RASAL2: variants seen among roughly 807,000 people sequenced by gnomAD.
RASAL2 encodes ras GTPase-activating protein nGAP.
RASAL2 carries 58 observed loss-of-function variants against 128.9 expected under a neutral mutation model. That is an observed-to-expected ratio of 0.45 (90% CI 0.36 to 0.56). The LOEUF is 0.56. RASAL2 is among the 20% of genes least tolerant of loss of function. The pLI is 0.00. For missense variants in RASAL2, 1,360 were observed against 1,601.6 expected, an observed-to-expected ratio of 0.85 and a Z score of 2.57; for synonymous variants, 561 against 580.8, an observed-to-expected ratio of 0.97 and a Z score of 0.49.
chr1:178,285,322 T>C (rs926155582), intron 2 of RASAL2, among the ~76,000 whole-genome samples: 1 of 151,030 alleles, frequency 6.6e-6, no homozygotes, highest in South Asian at 2.1e-4. Context: ...GGGTTTCACC[T>C]TGTTAGCCAG....
intron 9 of RASAL2, among the ~76,000 whole-genome samples, chr1:178,447,431 T>G (rs146721821): frequency 1.3e-5 from 2 of 151,800 alleles, no homozygotes; most frequent in African/African-American, 4.8e-5. Context: ...CCCAACACTT[T>G]AGGAGGCCGA....
At chr1:178,205,310 A>G (rs1280960199) in intron 1 of RASAL2, among the ~76,000 whole-genome samples, 1 of 152,060 alleles carries the variant, frequency 6.6e-6, no homozygotes, top group Non-Finnish European at 1.5e-5. Context: ...CAGCCCAGAA[A>G]ATTGTTTATA....
At chr1:178,325,883 G>T (rs1257734822) in intron 3 of RASAL2, among the ~76,000 whole-genome samples, 1 of 152,072 alleles carries the variant, frequency 6.6e-6, no homozygotes, top group African/African-American at 2.4e-5. Context: ...TTGAGGTCAG[G>T]TGTTTGAGAC....
chr1:178,384,732 A>G (rs982165512), intron 3 of RASAL2, among the ~76,000 whole-genome samples: 3 of 151,586 alleles, frequency 2.0e-5, no homozygotes, highest in Admixed American at 6.6e-5. Context: ...TAATAAAACT[A>G]TTTTCCCTAG....
In RASAL2 at chr1:178,215,066, T is replaced by C. The variant is rs528824530; in HGVS notation, c.203-68498T>C. On this transcript the variant is annotated intron_variant, in intron 1 of 17. Transcript: ENST00000367649. ...TGTGGAACTTTTTCTTCAAATGTTA[T>C]CTCATGTGTAAGTTCAGTATTCCAT... is the stretch of plus-strand genomic sequence containing the variant. Among the ~76,000 whole-genome samples the C allele has an allele frequency of 3.9e-5, 6 of 152,352 alleles. No individual in the cohort carries two copies. In the South Asian group the frequency reaches 1.2e-3, roughly 32 times the overall value.
intron 1 of RASAL2, among the ~76,000 whole-genome samples, chr1:178,131,665 T>C (rs1037170958): frequency 6.6e-6 from 1 of 152,130 alleles, no homozygotes. Flanking sequence ...AACTATCTTA[T>C]TTCCTTATCA....
rs201007796 is a variant in RASAL2 at position 178,458,311 on chromosome 1, G to A, written c.3019G>A (p.Gly1007Arg). The A allele has an allele frequency of 8.1e-6, 13 of 1,614,238 alleles. No individual in the cohort carries two copies. Among genetic ancestry groups the A allele is most frequent in the South Asian group, 1.1e-5 (1 of 91,082 alleles). Reference protein sequence around the residue: ...PLALPRQNSTGQAQIRKVDQG... With the variant: ...PLALPRQNSTRQAQIRKVDQG... ...TGCTTTGCCACGACAAAATAGTACT[G>A]GGCAGGCCCAGATCCGAAAAGTGGA... is the stretch of plus-strand genomic sequence containing the variant. Residue 1007 changes from glycine to arginine, a missense_variant, in exon 14 of 18, where the codon GGG becomes AGG. Coordinates refer to ENST00000367649, the MANE Select transcript of RASAL2 (RefSeq NM_170692.4).
intron 1 of RASAL2, among the ~76,000 whole-genome samples, chr1:178,283,214 G>C (rs1320276933): frequency 6.6e-6 from 1 of 152,098 alleles, no homozygotes; most frequent in Non-Finnish European, 1.5e-5. Context: ...CTAAAGACTA[G>C]GGAAGGTGTC....
chr1:178,148,139 T>A (rs980427457), intron 1 of RASAL2, among the ~76,000 whole-genome samples: 1 of 151,498 alleles, frequency 6.6e-6, no homozygotes, highest in African/African-American at 2.4e-5. Context: ...TATAAGCATC[T>A]ACACTGGAGT....
chr1:178,453,235 G>A (rs1236059613), intron 11 of RASAL2, among the ~76,000 whole-genome samples: 1 of 151,896 alleles, frequency 6.6e-6, no homozygotes, highest in Non-Finnish European at 1.5e-5. Context: ...GGCAATGGGT[G>A]GAATTTAAAT....
chr1:178,459,135 T>A (rs1677993381), intron 14 of RASAL2, among the ~76,000 whole-genome samples: 1 of 152,174 alleles, frequency 6.6e-6, no homozygotes, highest in Admixed American at 6.5e-5. Flanking sequence ...ATTCTAAACA[T>A]CTGCAAATCC....
intron 3 of RASAL2, among the ~76,000 whole-genome samples, chr1:178,361,926 C>T (rs917963447): frequency 2.0e-5 from 3 of 151,946 alleles, no homozygotes; most frequent in African/African-American, 7.3e-5. Context: ...ATAAGGAACA[C>T]GCAACCTAGA....
chr1:178,159,979 C>CT (rs1404555809), intron 1 of RASAL2, among the ~76,000 whole-genome samples: 2 of 151,068 alleles, frequency 1.3e-5, no homozygotes, highest in African/African-American at 4.8e-5. Flanking sequence ...ATGATCAGAA[C>CT]TTTTAAATTT....
chr1:178,264,931 G>A (rs935461706), intron 1 of RASAL2, among the ~76,000 whole-genome samples: 1 of 152,134 alleles, frequency 6.6e-6, no homozygotes, highest in African/African-American at 2.4e-5. Context: ...GGGCCACTAA[G>A]AGTCAACTCA....
intron 1 of RASAL2, among the ~76,000 whole-genome samples, chr1:178,187,541 T>G (rs1018082175): frequency 6.6e-6 from 1 of 152,132 alleles, no homozygotes; most frequent in African/African-American, 2.4e-5. Context: ...TCACAAAAGG[T>G]GAACCAGTCC....
At chr1:178,226,516 G>A (rs1043306521) in intron 1 of RASAL2, among the ~76,000 whole-genome samples, 5 of 152,106 alleles carry the variant, frequency 3.3e-5, no homozygotes, top group East Asian at 1.9e-4. Context: ...GAGAAAAAAC[G>A]GTTGTGTTGT....
At chr1:178,441,747 G>C in intron 7 of RASAL2, 100 bp downstream of exon 7, 1 of 874,244 alleles carries the variant, frequency 1.1e-6, no homozygotes. Flanking sequence ...TCTATAGCTT[G>C]AGAGTTTTAA....
At chr1:178,221,053 G>C (rs1337945791) in intron 1 of RASAL2, among the ~76,000 whole-genome samples, 1 of 152,212 alleles carries the variant, frequency 6.6e-6, no homozygotes, top group Non-Finnish European at 1.5e-5. Flanking sequence ...GTGCATGAGA[G>C]TTCCTGTTGC....
At chr1:178,412,529 C>A (rs1674458997) in intron 4 of RASAL2, among the ~76,000 whole-genome samples, 1 of 152,180 alleles carries the variant, frequency 6.6e-6, no homozygotes, top group Non-Finnish European at 1.5e-5. Context: ...TGAAAGGTTT[C>A]ACTACCTCCC....
Sources: gnomAD v4.1 joint callset for allele counts (sites outside exome capture counted in the v4.1 genomes callset) on GRCh38, gnomAD v4.1.1 for gene constraint, MANE v1.5 for transcripts, NCBI Gene and HGNC (gene_info 2026-07-23, HGNC 2026-07-21) for gene names.